The following ACVR2A variants were observed in gnomAD, a reference collection of about 807,000 sequenced individuals.
ACVR2A encodes activin receptor type-2A.
In ACVR2A, 7 loss-of-function variants were observed where a neutral mutation model predicts 61.4. The ratio of observed to expected loss-of-function variants is 0.11; its 90% CI spans 0.06 to 0.21. The LOEUF is 0.21. ACVR2A is among the 10% of genes least tolerant of loss of function. The pLI is 1.00. For missense variants in ACVR2A, 322 were observed against 621.7 expected, an observed-to-expected ratio of 0.52 and a Z score of 5.13; for synonymous variants, 193 against 208.3, an observed-to-expected ratio of 0.93 and a Z score of 0.63.
At chr2:147,924,371 C>A (rs549552422) in intron 9 of ACVR2A, among the ~76,000 whole-genome samples, 6 of 152,028 alleles carry the variant, frequency 3.9e-5, no homozygotes, top group African/African-American at 1.4e-4. Context: ...ACAATTAACT[C>A]TAGAGTAAGT....
At chr2:147,875,450 A>G (rs1686129521) in intron 1 of ACVR2A, among the ~76,000 whole-genome samples, 1 of 152,036 alleles carries the variant, frequency 6.6e-6, no homozygotes, top group Non-Finnish European at 1.5e-5. Flanking sequence ...TTTTTATTTA[A>G]TCCTACACAT....
rs1687615603 is a variant in ACVR2A at position 147,929,768 on chromosome 2, C to G, written c.*2494C>G. The G allele has an allele frequency of 6.6e-6, 1 of 152,228 alleles. No homozygotes were observed. The highest frequency in any genetic ancestry group is 2.4e-5 in the African/African-American group (1 of 41,326). 9.4% of individuals were successfully genotyped at this position (152,228 alleles called of 1,614,324 possible). ...ATCAAAGAATGAGAAAAATGGTGATCCATTTTGGGGCAAACTGAGACCCCC... is the reference window on the plus strand; with the variant it reads ...ATCAAAGAATGAGAAAAATGGTGATGCATTTTGGGGCAAACTGAGACCCCC... On this transcript the variant is annotated 3_prime_UTR_variant, in exon 11 of 11. Transcript: ENST00000241416.
At chr2:147,912,155 A>G (rs545896090) in intron 4 of ACVR2A, among the ~76,000 whole-genome samples, 1 of 152,046 alleles carries the variant, frequency 6.6e-6, no homozygotes, top group South Asian at 2.1e-4. Flanking sequence ...TCCCACCTCT[A>G]ATAATTTATT....
rs1393122963 is a variant in ACVR2A at position 147,899,882 on chromosome 2, T to A, written c.512T>A (p.Val171Glu). The A allele has an allele frequency of 2.5e-6, 4 of 1,613,328 alleles. No homozygotes were observed. In the African/African-American group the frequency reaches 5.3e-5, roughly 22 times the overall value. The change falls in exon 4 of 11, where the codon GTA (valine) becomes GAA (glutamate). Residue 171 changes from valine (V) to glutamate (E), a missense_variant. This residue lies in a region of ACVR2A where 146 missense variants were observed against 383.8 expected (regional missense o/e 0.38). Transcript: ENST00000241416. ...CATCACAAGATGGCCTACCCTCCTGTACTTGTTCCAACTCAAGTAAGTTAT... is the reference window on the plus strand; with the variant it reads ...CATCACAAGATGGCCTACCCTCCTGAACTTGTTCCAACTCAAGTAAGTTAT... ...YRHHKMAYPPVLVPTQDPGPP... is the reference protein window; with the variant it reads ...YRHHKMAYPPELVPTQDPGPP...
intron 1 of ACVR2A, among the ~76,000 whole-genome samples, chr2:147,861,185 A>T (rs7582403): frequency 6.6e-6 from 1 of 152,002 alleles, no homozygotes; most frequent in East Asian, 1.9e-4. Flanking sequence ...ACCAGTGTCA[A>T]GCTCTGAACT....
At chr2:147,916,291 A>G (rs1362225131) in intron 5 of ACVR2A, among the ~76,000 whole-genome samples, 1 of 151,798 alleles carries the variant, frequency 6.6e-6, no homozygotes, top group East Asian at 1.9e-4. Context: ...AAGATAAGGG[A>G]AGAAATTATT....
At chr2:147,866,866 C>T (rs963458252) in intron 1 of ACVR2A, among the ~76,000 whole-genome samples, 2 of 152,066 alleles carry the variant, frequency 1.3e-5, no homozygotes, top group African/African-American at 4.8e-5. Flanking sequence ...TTTGAGTATT[C>T]AGCCAATAGA....
chr2:147,878,251 T>C (rs1686208307), intron 1 of ACVR2A, among the ~76,000 whole-genome samples: 1 of 148,584 alleles, frequency 6.7e-6, no homozygotes, highest in Non-Finnish European at 1.5e-5. Context: ...CGTGAAAGAT[T>C]TAAATTAAAT....
rs370635632 is a variant in ACVR2A, at chr2:147,915,166, T to A, written c.529-25T>A. 4.9e-5 allele frequency: 79 copies of A among 1,606,694 alleles called. No individual in the cohort carries two copies. In the African/African-American group the frequency reaches 1.0e-3, roughly 21 times the overall value. ...GTGTGTGTCATGTTCTGCTTATTTA[T>A]AGTATTATTATTATTTATCTGTAGG... On this transcript the variant is annotated intron_variant, in intron 4 of 10. Coordinates refer to ENST00000241416, the MANE Select transcript of ACVR2A (RefSeq NM_001616.5).
At chr2:147,913,822 CAAAAAAAAAAA>C (rs575237522) in intron 4 of ACVR2A, among the ~76,000 whole-genome samples, 20 of 61,800 alleles carry the variant, frequency 3.2e-4, no homozygotes, top group African/African-American at 8.8e-4. Context: ...AACTTGTAGA[CAAAAAAAAAAA>C]AAAAAAAAAA....
intron 1 of ACVR2A, among the ~76,000 whole-genome samples, chr2:147,865,471 G>T (rs1227955949): frequency 6.6e-6 from 1 of 152,136 alleles, no homozygotes; most frequent in Non-Finnish European, 1.5e-5. Flanking sequence ...TCTTCTCAAA[G>T]TTCTCTTGTC....
At chr2:147,920,446 T>A in intron 8 of ACVR2A, 102 bp downstream of exon 8, 1 of 840,292 alleles carries the variant, frequency 1.2e-6, no homozygotes, top group Non-Finnish European at 1.9e-6. Flanking sequence ...TTGTGGTGTT[T>A]AAATCAGCAT....
intron 1 of ACVR2A, among the ~76,000 whole-genome samples, chr2:147,867,947 C>G (rs987505433): frequency 2.0e-5 from 3 of 152,216 alleles, no homozygotes; most frequent in African/African-American, 7.2e-5. Flanking sequence ...TGGGACACCT[C>G]TATCTCACCT....
chr2:147,904,271 T>C (rs999858742), intron 4 of ACVR2A, among the ~76,000 whole-genome samples: 7 of 151,928 alleles, frequency 4.6e-5, no homozygotes, highest in African/African-American at 1.7e-4. Context: ...TATGAGGGAA[T>C]TGATGGACTC....
At chr2:147,902,931 AT>A (rs1314554617) in intron 4 of ACVR2A, 1 of 151,926 alleles carries the variant, frequency 6.6e-6, no homozygotes, top group Admixed American at 6.6e-5. Context: ...GTGCCATAAC[AT>A]TTGTCATTCT....
At chr2:147,895,360 G>A (rs533042161) in intron 1 of ACVR2A, among the ~76,000 whole-genome samples, 63 of 152,220 alleles carry the variant, frequency 4.1e-4, no homozygotes, top group African/African-American at 1.4e-3. Context: ...AACACCATAT[G>A]ATGCTAATCA....
chr2:147,857,552 C>CA (rs1408059262), intron 1 of ACVR2A, among the ~76,000 whole-genome samples: 1 of 107,594 alleles, frequency 9.3e-6, no homozygotes, highest in Non-Finnish European at 2.0e-5. Flanking sequence ...AAAAAAAAAA[C>CA]AAAAAAACCC....
chr2:147,886,027 A>G (rs1374236397), intron 1 of ACVR2A, among the ~76,000 whole-genome samples: 1 of 152,146 alleles, frequency 6.6e-6, no homozygotes, highest in Non-Finnish European at 1.5e-5. Flanking sequence ...GAGACTGTTA[A>G]ATAATACCTA....
intron 1 of ACVR2A, among the ~76,000 whole-genome samples, chr2:147,863,327 A>G (rs1342594859): frequency 6.6e-6 from 1 of 152,194 alleles, no homozygotes; most frequent in Non-Finnish European, 1.5e-5. Context: ...CCTGTGGCTG[A>G]TAATAGCAGA....
Sources: gnomAD v4.1 joint callset for allele counts (sites outside exome capture counted in the v4.1 genomes callset) on GRCh38, gnomAD v4.1.1 for gene constraint, gnomAD v4.1.1 regional missense constraint, MANE v1.5 for transcripts, NCBI Gene and HGNC (gene_info 2026-07-23, HGNC 2026-07-21) for gene names.